RLN2: variants seen among roughly 807,000 people sequenced by gnomAD.
RLN2 encodes the protein relaxin 2, also known as prorelaxin H2.
A neutral mutation model predicts 7.3 loss-of-function variants in RLN2; 10 were observed. That is an observed-to-expected ratio of 1.36 (90% CI 0.84 to 2.31). RLN2 has a LOEUF of 2.31. RLN2 is among the 30% of genes most tolerant of loss of function. RLN2 has a pLI of 0.00. For synonymous variants in RLN2, 103 were observed against 82.3 expected (o/e 1.25, Z -1.36); for missense variants, 298 against 217.6 (o/e 1.37, Z -2.32).
chr9:5,316,184 C>T, the RLN2 span, among the ~76,000 whole-genome samples: 1 of 151,892 alleles, frequency 6.6e-6, no homozygotes, highest in Admixed American at 6.6e-5. Flanking sequence ...TATATTTGTA[C>T]ATCTGTACTT....
Position 5,300,205 on chromosome 9 carries a change from A to G in RLN2, c.451T>C (p.Leu151=). ...ADSSPSELKY[L]GLDTHSRKKR... ...TTTCGAGAATGAGTATCCAAGCCTA[A>G]GTATTTTAATTCTGAAGGACTGCTG... The change falls in exon 2 of 2, where the codon TTA becomes CTA. Residue 151 remains leucine (L), a synonymous_variant. Transcript: ENST00000381627. 6.2e-7 allele frequency: 1 copy of G among 1,614,054 alleles called. No individual in the cohort carries two copies. The highest frequency in any genetic ancestry group is 8.5e-7 in the Non-Finnish European group (1 of 1,179,910).
chr9:5,316,756 A>G, the RLN2 span, among the ~76,000 whole-genome samples: 1 of 151,926 alleles, frequency 6.6e-6, no homozygotes, highest in Non-Finnish European at 1.5e-5. Flanking sequence ...GTAAACATAC[A>G]TGTGCATGTG....
chr9:5,329,303 C>T, the RLN2 span, among the ~76,000 whole-genome samples: 1 of 99,570 alleles, frequency 1.0e-5, no homozygotes, highest in Non-Finnish European at 1.9e-5. Flanking sequence ...GAGCGAGACT[C>T]CATCTCAAAA....
At chr9:5,323,530 T>C in the RLN2 span, among the ~76,000 whole-genome samples, 2 of 151,894 alleles carry the variant, frequency 1.3e-5, no homozygotes, top group African/African-American at 2.4e-5. Context: ...GAGTTGTGCA[T>C]TTTTAGGGTG....
chr9:5,311,101 T>C, the RLN2 span, among the ~76,000 whole-genome samples: 7 of 152,116 alleles, frequency 4.6e-5, no homozygotes, highest in Admixed American at 2.0e-4. Context: ...TCTAAGATGA[T>C]AGGCCATCAC....
At chr9:5,327,688 T>A in the RLN2 span, among the ~76,000 whole-genome samples, 1 of 151,930 alleles carries the variant, frequency 6.6e-6, no homozygotes, top group African/African-American at 2.4e-5. Flanking sequence ...CAGGTGCCCC[T>A]CTGGGATGAA....
chr9:5,312,699 A>G, the RLN2 span, among the ~76,000 whole-genome samples: 1 of 151,802 alleles, frequency 6.6e-6, no homozygotes. Context: ...TATCTTTAAT[A>G]AAGCTGGATA....
the RLN2 span, among the ~76,000 whole-genome samples, chr9:5,318,615 G>T: frequency 6.6e-6 from 1 of 151,892 alleles, no homozygotes; most frequent in African/African-American, 2.4e-5. Context: ...AAGAATCACA[G>T]AACAAGAGAA....
chr9:5,320,186 G>A, the RLN2 span, among the ~76,000 whole-genome samples: 10 of 151,120 alleles, frequency 6.6e-5, no homozygotes, highest in South Asian at 6.3e-4. Context: ...GGGTTTCACC[G>A]TGTGGGCCAG....
the RLN2 span, among the ~76,000 whole-genome samples, chr9:5,328,665 G>C: frequency 0.14 from 20,628 of 151,970 alleles, 1,793 homozygotes; most frequent in East Asian, 0.3. Context: ...CAGAGAGAAA[G>C]GTCAGGTTAC....
At chr9:5,308,626 T>A (rs1003038867), upstream of RLN2, among the ~76,000 whole-genome samples, 1 of 151,994 alleles carries the variant, frequency 6.6e-6, no homozygotes, top group Non-Finnish European at 1.5e-5. Context: ...TAGGTTAAAA[T>A]TAATGTCAAA....
chr9:5,329,348 T>G, the RLN2 span, among the ~76,000 whole-genome samples: 1 of 143,862 alleles, frequency 7.0e-6, no homozygotes, highest in African/African-American at 2.6e-5. Flanking sequence ...ACTGCATCAA[T>G]TAACAGGCAA....
chr9:5,332,774 C>G, the RLN2 span, among the ~76,000 whole-genome samples: 4 of 151,844 alleles, frequency 2.6e-5, no homozygotes, highest in South Asian at 8.3e-4. Context: ...CACCACCACT[C>G]CTGGCTAATT....
upstream of RLN2, among the ~76,000 whole-genome samples, chr9:5,309,022 G>A (rs938921889): frequency 6.6e-6 from 1 of 152,000 alleles, no homozygotes; most frequent in African/African-American, 2.4e-5. Context: ...GTAATTCTAT[G>A]TAATTAATAA....
chr9:5,304,463 C>G lies in RLN2; in HGVS notation c.118G>C (p.Val40Leu), dbSNP rs753957891. The G allele has an allele frequency of 3.1e-6, 5 of 1,613,378 alleles. No individual in the cohort carries two copies. Among genetic ancestry groups the G allele is most frequent in the East Asian group, 4.5e-5 (2 of 44,830 alleles). The change falls in exon 1 of 2, where the codon GTT (valine) becomes CTT (leucine). Residue 40 changes from valine (V) to leucine (L), a missense_variant. Transcript: ENST00000381627. ...EVIKLCGRELVRAQIAICGMS... is the reference protein window; with the variant it reads ...EVIKLCGRELLRAQIAICGMS... ...CCGCAAATGGCAATCTGCGCGCGAA[C>G]TAATTCGCGGCCGCATAATTTAATA...
chr9:5,333,898 A>C, the RLN2 span, among the ~76,000 whole-genome samples: 1 of 152,052 alleles, frequency 6.6e-6, no homozygotes, highest in Non-Finnish European at 1.5e-5. Flanking sequence ...TCATCGCATA[A>C]ACAGAACTAA....
the RLN2 span, among the ~76,000 whole-genome samples, chr9:5,321,681 G>A: frequency 1.3e-5 from 2 of 150,634 alleles, no homozygotes; most frequent in Admixed American, 6.7e-5. Context: ...GAGGGAGGGA[G>A]GGAAGAAGGA....
chr9:5,315,444 G>T, the RLN2 span, among the ~76,000 whole-genome samples: 2 of 151,474 alleles, frequency 1.3e-5, no homozygotes, highest in African/African-American at 4.9e-5. Flanking sequence ...ACAGCCAATG[G>T]GACATACGGG....
upstream of RLN2, among the ~76,000 whole-genome samples, chr9:5,305,982 CTG>C (rs1233657654): frequency 6.6e-6 from 1 of 151,564 alleles, no homozygotes; most frequent in Non-Finnish European, 1.5e-5. Context: ...CCTCTCAAAA[CTG>C]AGGTTTGAAA....
Sources: gnomAD v4.1 joint callset for allele counts (sites outside exome capture counted in the v4.1 genomes callset) on GRCh38, gnomAD v4.1.1 for gene constraint, MANE v1.5 for transcripts, NCBI Gene and HGNC (gene_info 2026-07-23, HGNC 2026-07-21) for gene names.